MROH7: variants seen among roughly 807,000 people sequenced by gnomAD.
The protein encoded by MROH7 is maestro heat-like repeat-containing protein family member 7.
Under a neutral mutation model 129.2 loss-of-function variants are expected in MROH7, and 113 were observed. The observed-to-expected ratio is 0.87, with a 90% CI of 0.75 to 1.02. The LOEUF (loss-of-function observed/expected upper bound fraction) is 1.02. Among genes scored for constraint, MROH7 ranks in the 50% least tolerant of loss-of-function variants. MROH7 has a pLI of 0.00. For missense variants in MROH7, 1,601 were observed against 1,671.3 expected (o/e 0.96, Z 0.73); for synonymous variants, 655 against 667.9 (o/e 0.98, Z 0.30).
At chr1:54,704,718 T>C (rs1184148634) in intron 21 of MROH7, among the ~76,000 whole-genome samples, 3 of 151,108 alleles carry the variant, frequency 2.0e-5, no homozygotes, top group Non-Finnish European at 4.4e-5. Flanking sequence ...AGTGCTGGGA[T>C]TACAGGCGTG....
chr1:54,706,755 C>T (rs895846957), intron 22 of MROH7, among the ~76,000 whole-genome samples: 4 of 152,198 alleles, frequency 2.6e-5, no homozygotes, highest in African/African-American at 9.7e-5. Flanking sequence ...AGTCTGAAGT[C>T]TTTGTGCAGG....
rs1645437178 is a variant in MROH7 at position 54,701,600 on chromosome 1, AG to A, written c.3285+280del. On this transcript the variant is annotated intron_variant, in intron 19 of 23. Coordinates refer to ENST00000421030, the MANE Select transcript of MROH7 (RefSeq NM_001039464.4). ...TCTAGAGGGGGTACTTTCTTTTTAA[AG>A]GCAGGATCTTGCTCTGGCACCCAGG... Among the ~76,000 whole-genome samples the A allele has an allele frequency of 3.3e-5, 5 of 152,334 alleles. No individual in the cohort carries two copies. In the South Asian group the frequency reaches 8.3e-4, roughly 25 times the overall value.
chr1:54,674,136 C>G lies in MROH7; in HGVS notation c.1921C>G (p.Leu641Val), dbSNP rs1343235149. The change falls in exon 10 of 24, where the codon CTG (leucine) becomes GTG (valine). Residue 641 changes from leucine to valine, a missense_variant. Leu to Val is a conservative substitution (Grantham distance 32). Transcript: ENST00000421030. ...CGGCATCATCATCCTCTACACTATT[C>G]TGGAGCTCCAAAAACGTAAGCCCTA... ...LDGIIILYTI[L>V]ELQKRARDKE... 1 of 1,613,618 alleles carries G rather than the reference C, an allele frequency of 6.2e-7. No individual in the cohort carries two copies. The highest frequency in any genetic ancestry group is 8.5e-7 in the Non-Finnish European group (1 of 1,179,884).
At chr1:54,676,794 C>T (rs1037997545) in intron 10 of MROH7, among the ~76,000 whole-genome samples, 6 of 151,754 alleles carry the variant, frequency 4.0e-5, no homozygotes, top group Non-Finnish European at 7.4e-5. Flanking sequence ...CTGCAAACTC[C>T]ACCTCCCGGG....
At chr1:54,695,331 T>C in intron 16 of MROH7, 45 bp from the exon 17 acceptor site, 2 of 1,130,802 alleles carry the variant, frequency 1.8e-6, no homozygotes, top group Non-Finnish European at 1.3e-6. Flanking sequence ...CAGGTCCCCC[T>C]GGGGCTGGAT....
rs375521348 is a variant in MROH7, at chr1:54,669,585, C to T, written c.1389+648C>T. On this transcript the variant is annotated intron_variant, in intron 5 of 23. Coordinates refer to ENST00000421030, the MANE Select transcript of MROH7 (RefSeq NM_001039464.4). ...TGTCACCCAGGCTGGAGTGCAGTGGCGCCATTATGGCCCACTGCAGCATCA... is the reference window on the plus strand; with the variant it reads ...TGTCACCCAGGCTGGAGTGCAGTGGTGCCATTATGGCCCACTGCAGCATCA... Among the ~76,000 whole-genome samples the T allele has an allele frequency of 7.2e-5, 11 of 152,280 alleles. No individual in the cohort carries two copies. The South Asian group carries it at 1.0e-3, about 14-fold the overall frequency.
chr1:54,647,280 G>A (rs1644481760), intron 1 of MROH7, among the ~76,000 whole-genome samples: 1 of 152,120 alleles, frequency 6.6e-6, no homozygotes, highest in Admixed American at 6.6e-5. Flanking sequence ...TTACATGTAG[G>A]TCTTTAATGC....
At chr1:54,681,961 A>G (rs1645074483) in intron 13 of MROH7, among the ~76,000 whole-genome samples, 1 of 152,150 alleles carries the variant, frequency 6.6e-6, no homozygotes. Context: ...TGGGAATAAC[A>G]ACACTCACCT....
chr1:54,691,199 A>G (rs1018864634), intron 15 of MROH7, among the ~76,000 whole-genome samples: 1 of 152,202 alleles, frequency 6.6e-6, no homozygotes, highest in Admixed American at 6.5e-5. Flanking sequence ...AGTAGGGACT[A>G]TCATTGATGG....
chr1:54,674,189 G>A (rs1644947888), intron 10 of MROH7, 38 bp downstream of exon 10: 1 of 1,596,924 alleles, frequency 6.3e-7, no homozygotes, highest in Non-Finnish European at 8.5e-7. Flanking sequence ...GAAGTCTTCT[G>A]AGTTGTTGCT....
Position 54,703,094 on chromosome 1 carries a change from T to C in MROH7, c.3564+349T>C, listed in dbSNP as rs888119367. ...CTTCATCTCCCTCACCCTCCACATT[T>C]GATCAATCTTAAATATCCCGAGTAT... On this transcript the variant is annotated intron_variant, in intron 21 of 23. Transcript: ENST00000421030. The surrounding 1 kb of genome is among the most constrained non-coding windows in gnomAD (Gnocchi z 4.4). Among the ~76,000 whole-genome samples, 17 of 152,112 alleles carry C rather than the reference T, an allele frequency of 1.1e-4. No homozygotes were observed. The highest frequency in any genetic ancestry group is 4.1e-4 in the African/African-American group (17 of 41,420).
chr1:54,701,713 C>T (rs1645438978), intron 19 of MROH7, among the ~76,000 whole-genome samples: 3 of 152,092 alleles, frequency 2.0e-5, no homozygotes, highest in Non-Finnish European at 4.4e-5. Flanking sequence ...GGACTATGGG[C>T]ATGCACCACT....
chr1:54,657,685 CCT>C (rs1491360115), intron 3 of MROH7, among the ~76,000 whole-genome samples: 3 of 151,736 alleles, frequency 2.0e-5, no homozygotes, highest in African/African-American at 7.3e-5. Flanking sequence ...CCTATCTTAA[CCT>C]TTTTTTTTTT....
chr1:54,691,803 A>AAAAGTGT (rs778263944), intron 15 of MROH7, among the ~76,000 whole-genome samples: 5 of 104,188 alleles, frequency 4.8e-5, no homozygotes, highest in African/African-American at 2.0e-4. Flanking sequence ...AAAAAAAAAA[A>AAAAGTGT]GTGTGTGTGT....
chr1:54,656,979 G>T (rs926037162), intron 3 of MROH7, among the ~76,000 whole-genome samples: 2 of 151,684 alleles, frequency 1.3e-5, no homozygotes, highest in African/African-American at 2.4e-5. Flanking sequence ...TTGAAGTCAG[G>T]AGTTTGGGAC....
intron 10 of MROH7, 87 bp downstream of exon 10, chr1:54,674,238 A>G (rs1644948550): frequency 3.4e-6 from 5 of 1,479,506 alleles, no homozygotes; most frequent in East Asian, 4.6e-5. Flanking sequence ...GAGCCTTGGC[A>G]TTAAGGCACT....
chr1:54,680,414 C>G (rs61768772), intron 13 of MROH7, among the ~76,000 whole-genome samples: 2,343 of 152,296 alleles, frequency 0.015, 30 homozygotes, highest in Non-Finnish European at 0.023. Context: ...TCTGCGTGTC[C>G]GTCCTGACTC....
chr1:54,659,599 G>A (rs1051106790), intron 3 of MROH7, among the ~76,000 whole-genome samples: 6 of 152,086 alleles, frequency 3.9e-5, no homozygotes, highest in Admixed American at 2.6e-4. Context: ...AATTACAGGC[G>A]CTAGCCACCA....
At chr1:54,689,542 C>T (rs1645201305) in intron 15 of MROH7, among the ~76,000 whole-genome samples, 7 of 152,236 alleles carry the variant, frequency 4.6e-5, no homozygotes, top group Admixed American at 3.3e-4. Flanking sequence ...CATCAGCACA[C>T]AAGGCGGTCA....
Sources: gnomAD v4.1 joint callset for allele counts (sites outside exome capture counted in the v4.1 genomes callset) on GRCh38, gnomAD v4.1.1 for gene constraint, Gnocchi (gnomAD v3.1) non-coding constraint, MANE v1.5 for transcripts, NCBI Gene and HGNC (gene_info 2026-07-23, HGNC 2026-07-21) for gene names.